The following GRIA1 variants were observed in gnomAD, a reference collection of about 807,000 sequenced individuals.
GRIA1 encodes glutamate ionotropic receptor AMPA type subunit 1.
A neutral mutation model predicts 99.2 loss-of-function variants in GRIA1; 31 were observed. That is an observed-to-expected ratio of 0.31 (90% CI 0.23 to 0.42). The LOEUF (loss-of-function observed/expected upper bound fraction) is 0.42, where lower values mean the gene tolerates loss of function less well. GRIA1 is among the 10% of genes least tolerant of loss of function. The pLI is 1.00. For synonymous variants in GRIA1, 438 were observed against 432.4 expected (o/e 1.01, Z -0.16); for missense variants, 782 against 1,157.5 (o/e 0.68, Z 4.71).
At chr5:153,799,494 C>A (rs1765863860) in intron 14 of GRIA1, among the ~76,000 whole-genome samples, 1 of 152,166 alleles carries the variant, frequency 6.6e-6, no homozygotes, top group African/African-American at 2.4e-5. Context: ...TAAATTGAAA[C>A]TCCTCAGCTA....
intron 9 of GRIA1, 52 bp from the exon 10 acceptor site, chr5:153,698,815 C>G: frequency 2.5e-6 from 3 of 1,186,704 alleles, no homozygotes; most frequent in Non-Finnish European, 3.8e-6. Context: ...TCCTCCCTAC[C>G]CATGGGTGAA....
chr5:153,573,679 G>A (rs539107203), intron 2 of GRIA1, among the ~76,000 whole-genome samples: 1 of 152,144 alleles, frequency 6.6e-6, no homozygotes, highest in African/African-American at 2.4e-5. Context: ...CCTACTAAGT[G>A]CCAGGCTCTA....
intron 11 of GRIA1, among the ~76,000 whole-genome samples, chr5:153,719,353 G>A (rs1287991718): frequency 6.6e-6 from 1 of 152,058 alleles, no homozygotes; most frequent in Non-Finnish European, 1.5e-5. Context: ...GATTTCATGG[G>A]TCAGGAAATT....
intron 5 of GRIA1, among the ~76,000 whole-genome samples, chr5:153,656,515 C>T (rs1006839715): frequency 6.6e-6 from 1 of 150,518 alleles, no homozygotes; most frequent in African/African-American, 2.4e-5. Context: ...TTAAATTTTA[C>T]CTAGTAGCAC....
chr5:153,771,636 G>C (rs1763889096), intron 13 of GRIA1, among the ~76,000 whole-genome samples: 1 of 152,172 alleles, frequency 6.6e-6, no homozygotes, highest in Non-Finnish European at 1.5e-5. Flanking sequence ...TCTACTTCCT[G>C]CAATGTAGCA....
intron 2 of GRIA1, among the ~76,000 whole-genome samples, chr5:153,530,171 C>T (rs1361660416): frequency 6.6e-6 from 1 of 152,170 alleles, no homozygotes; most frequent in Non-Finnish European, 1.5e-5. Context: ...ATACCCATCC[C>T]ATAGGCAAAA....
chr5:153,724,505 T>A (rs1373971675), intron 11 of GRIA1, among the ~76,000 whole-genome samples: 1 of 151,904 alleles, frequency 6.6e-6, no homozygotes, highest in Non-Finnish European at 1.5e-5. Flanking sequence ...TTGAAAAAAA[T>A]TTAGATGAAT....
At chr5:153,781,573 C>G (rs183261800) in intron 13 of GRIA1, among the ~76,000 whole-genome samples, 1 of 152,280 alleles carries the variant, frequency 6.6e-6, no homozygotes, top group East Asian at 1.9e-4. Flanking sequence ...AGACCAGTTC[C>G]TACCCAGCCA....
chr5:153,737,715 A>C (rs1020446438), intron 11 of GRIA1, among the ~76,000 whole-genome samples: 1 of 152,284 alleles, frequency 6.6e-6, no homozygotes, highest in South Asian at 2.1e-4. Context: ...GTCATCTATT[A>C]TTGTATTTGA....
chr5:153,550,118 T>C (rs1388932778), intron 2 of GRIA1, among the ~76,000 whole-genome samples: 1 of 152,034 alleles, frequency 6.6e-6, no homozygotes, highest in Non-Finnish European at 1.5e-5. Flanking sequence ...GTGACATGGT[T>C]GGTGTTTAAT....
intron 13 of GRIA1, among the ~76,000 whole-genome samples, chr5:153,778,795 T>G (rs758098576): frequency 5.3e-5 from 8 of 151,996 alleles, no homozygotes; most frequent in Non-Finnish European, 7.4e-5. Context: ...TTCTTTCTGC[T>G]CTATTTGAAT....
intron 2 of GRIA1, among the ~76,000 whole-genome samples, chr5:153,537,037 A>T (rs1758642409): frequency 6.6e-6 from 1 of 152,204 alleles, no homozygotes; most frequent in Admixed American, 6.5e-5. Flanking sequence ...TTGTAGAGAG[A>T]GATTCCACAG....
chr5:153,742,633 G>C (rs1376463392), intron 11 of GRIA1, among the ~76,000 whole-genome samples: 1 of 152,122 alleles, frequency 6.6e-6, no homozygotes, highest in Non-Finnish European at 1.5e-5. Context: ...TTCTTTCATG[G>C]TTCTCAGCTA....
chr5:153,525,929 A>G (rs1757552766), intron 2 of GRIA1, among the ~76,000 whole-genome samples: 1 of 152,210 alleles, frequency 6.6e-6, no homozygotes, highest in Non-Finnish European at 1.5e-5. Context: ...ATCATGGTAT[A>G]TAATAATCAG....
At chr5:153,806,427 G>C (rs1424933496) in intron 15 of GRIA1, among the ~76,000 whole-genome samples, 1 of 152,006 alleles carries the variant, frequency 6.6e-6, no homozygotes, top group African/African-American at 2.4e-5. Flanking sequence ...CACTACACCT[G>C]GCTAATTTTT....
chr5:153,494,187 G>A (rs144123227), intron 2 of GRIA1, 122 bp downstream of exon 2: 2 of 1,055,518 alleles, frequency 1.9e-6, no homozygotes, highest in African/African-American at 1.6e-5. Flanking sequence ...GTAAGAGAAA[G>A]CCCTCCAAGA....
chr5:153,645,144 A>G (rs1044580992), intron 2 of GRIA1, among the ~76,000 whole-genome samples: 1 of 152,190 alleles, frequency 6.6e-6, no homozygotes, highest in Non-Finnish European at 1.5e-5. Context: ...GCTCAAGGCC[A>G]TGAACACCAC....
chr5:153,567,643 G>T (rs1253262657), intron 2 of GRIA1, among the ~76,000 whole-genome samples: 1 of 152,202 alleles, frequency 6.6e-6, no homozygotes, highest in African/African-American at 2.4e-5. Context: ...GAACCACTCA[G>T]ATTAATAGTT....
intron 14 of GRIA1, among the ~76,000 whole-genome samples, chr5:153,796,146 G>T (rs1268212536): frequency 6.6e-6 from 1 of 151,696 alleles, no homozygotes; most frequent in African/African-American, 2.4e-5. Flanking sequence ...CTCCATCCAG[G>T]TACAGGTGTG....
Sources: allele counts gnomAD v4.1 joint callset (sites outside exome capture counted in the v4.1 genomes callset), GRCh38; gene constraint gnomAD v4.1.1; transcripts MANE v1.5; gene names NCBI Gene and HGNC (gene_info 2026-07-23, HGNC 2026-07-21).